TEX11: variants seen among roughly 807,000 people sequenced by gnomAD.
The protein encoded by TEX11 is testis-expressed protein 11.
Under a neutral mutation model 84.4 loss-of-function variants are expected in TEX11, and 7 were observed. The ratio of observed to expected loss-of-function variants is 0.08; its 90% CI spans 0.05 to 0.16. The LOEUF (loss-of-function observed/expected upper bound fraction) is 0.16, where lower values mean the gene tolerates loss of function less well. TEX11 is among the 10% of genes least tolerant of loss of function. TEX11 has a pLI of 1.00. For synonymous variants in TEX11, 264 were observed against 222.8 expected, an observed-to-expected ratio of 1.18 and a Z score of -1.64; for missense variants, 551 against 660.5, an observed-to-expected ratio of 0.83 and a Z score of 1.82.
intron 13 of TEX11, among the ~76,000 whole-genome samples, chrX:70,695,796 G>T (rs1269794621): frequency 8.9e-6 from 1 of 111,826 alleles, no homozygotes; most frequent in African/African-American, 3.2e-5. Context: ...CATCTCTAAG[G>T]AATATACTAT....
rs1160468773 is a variant in TEX11 at position 70,655,809 on chromosome X, G to T, written c.1381-4257C>A. On this transcript the variant is annotated intron_variant, in intron 16 of 29. Coordinates refer to ENST00000374333, the MANE Select transcript of TEX11 (RefSeq NM_031276.3). ...GTTGTTTTAAGCCACACAGTTTGTA[G>T]TGCTTTGTTATAGCATCCCTAGGAA... Among the ~76,000 whole-genome samples, 3 of 110,690 alleles carry T rather than the reference G, an allele frequency of 2.7e-5. No homozygotes were observed. The Admixed American group carries it at 2.9e-4, about 11-fold the overall frequency.
At chrX:70,801,870 A>G (rs2091191227) in intron 9 of TEX11, among the ~76,000 whole-genome samples, 1 of 111,122 alleles carries the variant, frequency 9.0e-6, no homozygotes, top group Admixed American at 9.7e-5. Flanking sequence ...GTTGTACTCT[A>G]GAGAAGTATT....
chrX:70,773,506 C>T (rs2090983902), intron 9 of TEX11, among the ~76,000 whole-genome samples: 1 of 111,544 alleles, frequency 9.0e-6, no homozygotes, highest in Non-Finnish European at 1.9e-5. Flanking sequence ...GAGTTCATCA[C>T]CACTGTCCCA....
At chrX:70,539,602 T>TC (rs1260808951) in intron 28 of TEX11, among the ~76,000 whole-genome samples, 7 of 110,888 alleles carry the variant, frequency 6.3e-5, no homozygotes, top group Admixed American at 4.8e-4. Context: ...AGTGTAGGTT[T>TC]CCCCCCCACC....
intron 9 of TEX11, among the ~76,000 whole-genome samples, chrX:70,798,014 T>C (rs2091165357): frequency 1.5e-5 from 1 of 67,857 alleles, no homozygotes; most frequent in Non-Finnish European, 2.9e-5. Flanking sequence ...GCCAGAGCAA[T>C]TAGGCAAGAT....
chrX:70,516,841 C>T, the TEX11 span, among the ~76,000 whole-genome samples: 2 of 110,973 alleles, frequency 1.8e-5, no homozygotes, highest in South Asian at 3.9e-4. Context: ...CTTCACATCC[C>T]TTGTAAGTTG....
intron 13 of TEX11, among the ~76,000 whole-genome samples, chrX:70,719,688 C>T (rs1199346824): frequency 8.9e-6 from 1 of 112,007 alleles, no homozygotes; most frequent in Non-Finnish European, 1.9e-5. Flanking sequence ...AAACAAACAA[C>T]CCCATCAAAA....
rs748856950 is a variant in TEX11 at position 70,579,253 on chromosome X, C to T, written c.2140+12498G>A. ...CCTGTAATCCCAGCACTTTGGGAGG[C>T]GGAGGTGGGTGGATCACGAGGTCAG... On this transcript the variant is annotated intron_variant, in intron 25 of 29. Transcript: ENST00000374333. Among the ~76,000 whole-genome samples, 10 of 106,483 alleles carry T rather than the reference C, an allele frequency of 9.4e-5. No homozygotes were observed. The East Asian group carries it at 2.4e-3, about 26-fold the overall frequency. The allele number at this position is 106,483 out of a possible 115,157, so 92.5% of individuals were successfully genotyped here.
intron 7 of TEX11, among the ~76,000 whole-genome samples, chrX:70,852,159 A>C (rs754810247): frequency 8.9e-6 from 1 of 112,197 alleles, no homozygotes; most frequent in Non-Finnish European, 1.9e-5. Flanking sequence ...ATGTCAAAAA[A>C]TAAAAAAGGG....
At chrX:70,717,152 G>A (rs1260013164) in intron 13 of TEX11, among the ~76,000 whole-genome samples, 2 of 92,945 alleles carry the variant, frequency 2.2e-5, no homozygotes, top group African/African-American at 7.3e-5. Flanking sequence ...AATGAAGCTT[G>A]ACTGTAAAAG....
intron 7 of TEX11, among the ~76,000 whole-genome samples, chrX:70,842,936 C>G (rs1220135056): frequency 9.0e-6 from 1 of 111,371 alleles, no homozygotes; most frequent in Admixed American, 9.6e-5. Flanking sequence ...TGTGAAGGAC[C>G]TCTTCAAGGA....
At position 70,833,314 on chromosome X, in the gene TEX11, A is replaced by AAAAG. The variant is rs1569451680; in HGVS notation, c.606+195_606+198dup. ...GAAAAGAAAAGAAAAGAAAAGAAAA[A>AAAAG]AAAGAAATATTCCATATAGCTTTTT... is the stretch of plus-strand genomic sequence containing the variant. On this transcript the variant is annotated intron_variant, in intron 8 of 29. Coordinates refer to ENST00000374333, the MANE Select transcript of TEX11 (RefSeq NM_031276.3). Among the ~76,000 whole-genome samples, 8 of 107,331 alleles carry AAAAG rather than the reference A, an allele frequency of 7.5e-5. 1 individual carries two copies. The highest frequency in any genetic ancestry group is 2.9e-4 in the African/African-American group (8 of 27,534). The allele number at this position is 107,331 out of a possible 115,157, so 93.2% of individuals were successfully genotyped here.
At chrX:70,523,678 A>T in the TEX11 span, among the ~76,000 whole-genome samples, 1 of 107,996 alleles carries the variant, frequency 9.3e-6, no homozygotes, top group Non-Finnish European at 1.9e-5. Flanking sequence ...GTTAGCCAGG[A>T]TGGTCTTGAT....
intron 7 of TEX11, among the ~76,000 whole-genome samples, chrX:70,844,951 G>C (rs2147845921): frequency 9.1e-6 from 1 of 110,278 alleles, no homozygotes; most frequent in East Asian, 2.9e-4. Flanking sequence ...AAAAGACTAA[G>C]TATTTAGAAG....
chrX:70,530,211 G>A (rs768185274), intron 28 of TEX11, among the ~76,000 whole-genome samples: 3 of 111,555 alleles, frequency 2.7e-5, no homozygotes, highest in African/African-American at 6.5e-5. Flanking sequence ...ATGAAGAGAC[G>A]TAAACCGAGG....
chrX:70,523,598 G>C, the TEX11 span, among the ~76,000 whole-genome samples: 1 of 109,957 alleles, frequency 9.1e-6, no homozygotes, highest in South Asian at 3.9e-4. Flanking sequence ...CGAGTAGCTG[G>C]GACTACAGGC....
At chrX:70,665,760 A>G (rs1474252149) in intron 16 of TEX11, among the ~76,000 whole-genome samples, 2 of 112,017 alleles carry the variant, frequency 1.8e-5, no homozygotes, top group African/African-American at 3.2e-5. Flanking sequence ...CCTATGATTC[A>G]ATATTTCATT....
In TEX11 at chrX:70,675,969, T is replaced by A. The variant is rs371678166; in HGVS notation, c.1242+2835A>T. ...TCTCCACGGATTTGACTACTCTAGG[T>A]ACCTCATGTAAGTGGAACCACACAG... On this transcript the variant is annotated intron_variant, in intron 15 of 29. Coordinates refer to ENST00000374333, the MANE Select transcript of TEX11 (RefSeq NM_031276.3). Among the ~76,000 whole-genome samples the A allele has an allele frequency of 3.6e-5, 4 of 112,011 alleles. No individual in the cohort carries two copies. In the East Asian group the frequency reaches 1.1e-3, roughly 31 times the overall value.
chrX:70,867,775 G>A (rs1199861037), intron 4 of TEX11, among the ~76,000 whole-genome samples: 1 of 111,446 alleles, frequency 9.0e-6, no homozygotes, highest in African/African-American at 3.3e-5. Context: ...AAGCAATGGG[G>A]GAAGGATTCC....
Sources: gnomAD v4.1 joint callset for allele counts (sites outside exome capture counted in the v4.1 genomes callset) on GRCh38, gnomAD v4.1.1 for gene constraint, MANE v1.5 for transcripts, NCBI Gene and HGNC (gene_info 2026-07-23, HGNC 2026-07-21) for gene names.